The following MRI1 variants were observed in gnomAD, a reference collection of about 807,000 sequenced individuals.
MRI1 encodes methylthioribose-1-phosphate isomerase 1, also known as methylthioribose-1-phosphate isomerase.
In MRI1, 32 loss-of-function variants were observed where a neutral mutation model predicts 27.3. The observed-to-expected ratio is 1.17, with a 90% CI of 0.88 to 1.57. MRI1 has a LOEUF of 1.57. Among genes scored for constraint, MRI1 ranks in the 40% most tolerant of loss-of-function variants. The probability of loss-of-function intolerance (pLI) is 0.00; values close to 1 mark genes in which losing one functional copy is unlikely to be tolerated. For missense variants in MRI1, 508 were observed against 516.1 expected (o/e 0.98, Z 0.15); for synonymous variants, 216 against 227.4 (o/e 0.95, Z 0.45).
chr19:13,771,695 C>A (rs953929938), intron 5 of MRI1, among the ~76,000 whole-genome samples: 1 of 151,806 alleles, frequency 6.6e-6, no homozygotes, highest in South Asian at 2.1e-4. Context: ...AACCTCGTCT[C>A]TACTAAAAAT....
intron 3 of MRI1, among the ~76,000 whole-genome samples, chr19:13,767,517 C>T (rs962936398): frequency 6.6e-6 from 1 of 151,992 alleles, no homozygotes; most frequent in African/African-American, 2.4e-5. Context: ...CTTTGCAACA[C>T]AGCAAGACCC....
intron 3 of MRI1, chr19:13,768,226 G>A (rs976279917): frequency 7.3e-6 from 5 of 682,488 alleles, no homozygotes; most frequent in South Asian, 1.5e-5. Context: ...GAAAAGGGGG[G>A]CTGCCTGTAC....
intron 2 of MRI1, among the ~76,000 whole-genome samples, chr19:13,765,530 A>G (rs1974103179): frequency 6.6e-6 from 1 of 151,942 alleles, no homozygotes; most frequent in Non-Finnish European, 1.5e-5. Context: ...TTACCCCACC[A>G]AGCTCGAGCC....
intron 3 of MRI1, among the ~76,000 whole-genome samples, chr19:13,767,033 ATATATTTTTTTTTTTTTTT>A (rs1362073431): frequency 5.8e-3 from 99 of 17,204 alleles, no homozygotes; most frequent in South Asian, 0.039. Flanking sequence ...ATATATATAT[ATATATTTTTTTTTTTTTTT>A]TTTTTTTTTT....
chr19:13,764,563 G>C lies in MRI1; in HGVS notation c.-26G>C, dbSNP rs777074396. On this transcript the variant is annotated 5_prime_UTR_variant, in exon 1 of 6. Coordinates refer to ENST00000040663, the MANE Select transcript of MRI1 (RefSeq NM_001031727.4). ...CGCGCGGACCCCTAGCTCCCTCTGA[G>C]TTGCGCTGGGCTTGGCTGCTGCACC... 6.2e-7 allele frequency: 1 copy of C among 1,602,514 alleles called. No homozygotes were observed. The highest frequency in any genetic ancestry group is 8.5e-7 in the Non-Finnish European group (1 of 1,175,772).
intron 5 of MRI1, among the ~76,000 whole-genome samples, chr19:13,770,193 T>C (rs1274946961): frequency 6.6e-6 from 1 of 152,184 alleles, no homozygotes; most frequent in Non-Finnish European, 1.5e-5. Flanking sequence ...TCACTGGTCC[T>C]ATCTGTAAAA....
At chr19:13,768,399 A>C (rs1974188157) in intron 3 of MRI1, 162 bp from the exon 4 acceptor site, 11 of 1,527,348 alleles carry the variant, frequency 7.2e-6, no homozygotes, top group Non-Finnish European at 8.9e-6. Context: ...AGAGCATACC[A>C]GGCAGAGGGA....
Position 13,768,891 on chromosome 19 carries a change from G to A in MRI1, c.792G>A (p.Gln264=). 1 of 1,614,014 alleles carries A rather than the reference G, an allele frequency of 6.2e-7. No individual in the cohort carries two copies. The highest frequency in any genetic ancestry group is 8.5e-7 in the Non-Finnish European group (1 of 1,179,932). Residue 264 remains glutamine (Q), a synonymous_variant, in exon 5 of 6, where the codon CAG becomes CAA. Transcript: ENST00000040663. The stretch of plus-strand genomic sequence containing the variant: ...CAGCCAACAAGGTGGGCACCTACCA[G>A]CTGGCCATTGTCGCCAAGCACCATG... The part of the protein sequence containing the change: ...GDTANKVGTY[Q]LAIVAKHHGI...
chr19:13,766,445 C>T (rs1204104265), intron 3 of MRI1, among the ~76,000 whole-genome samples: 2 of 152,116 alleles, frequency 1.3e-5, no homozygotes, highest in African/African-American at 4.8e-5. Context: ...CCTTGTATCT[C>T]AGGGGGTCCA....
Position 13,772,867 on chromosome 19 carries a change from TAAAAA to T in MRI1, c.*588_*592del, listed in dbSNP as rs140711395. On this transcript the variant is annotated 3_prime_UTR_variant, in exon 6 of 6. Coordinates refer to ENST00000040663, the MANE Select transcript of MRI1 (RefSeq NM_001031727.4). ...TTAATTAATTATTTAATTAAAAAAA[TAAAAA>T]ATAAATGTGGATAATACTAGTACCT... 6.6e-6 allele frequency: 1 copy of T among 151,152 alleles called. No homozygotes were observed. The highest frequency in any genetic ancestry group is 1.5e-5 in the Non-Finnish European group (1 of 67,916). The allele number at this position is 151,152 out of a possible 1,614,324, so 9.4% of individuals were successfully genotyped here.
At chr19:13,770,387 C>G (rs1974244760) in intron 5 of MRI1, among the ~76,000 whole-genome samples, 1 of 152,024 alleles carries the variant, frequency 6.6e-6, no homozygotes, top group Admixed American at 6.6e-5. Context: ...GCGTTCCAGA[C>G]CAGCCTAGCC....
intron 3 of MRI1, among the ~76,000 whole-genome samples, chr19:13,767,580 G>A (rs1005360111): frequency 3.9e-5 from 6 of 151,914 alleles, no homozygotes; most frequent in South Asian, 4.1e-4. Flanking sequence ...CAAGGTGGGC[G>A]GATCGCTTGA....
In MRI1 at chr19:13,773,333, AAATT is replaced by A; in HGVS notation, c.*1056_*1059del. On this transcript the variant is annotated 3_prime_UTR_variant, in exon 6 of 6. Transcript: ENST00000040663. ...TTACAGCAGTATTTTTTAAAAATCA[AAATT>A]AATGCAAAAATCCATGATGAGGCCA... The A allele has an allele frequency of 6.6e-6, 1 of 152,112 alleles. No homozygotes were observed. The highest frequency in any genetic ancestry group is 1.5e-5 in the Non-Finnish European group (1 of 67,992). The allele number at this position is 152,112 out of a possible 1,614,324, so 9.4% of individuals were successfully genotyped here. A position where few individuals can be genotyped will look rare whatever the true frequency, so the allele number is the denominator to read the frequency against.
At chr19:13,767,032 T>TG (rs1974146371) in intron 3 of MRI1, among the ~76,000 whole-genome samples, 1 of 18,364 alleles carries the variant, frequency 5.4e-5, no homozygotes, top group Non-Finnish European at 8.5e-5. Flanking sequence ...TATATATATA[T>TG]ATATATTTTT....
intron 2 of MRI1, 53 bp downstream of exon 2, chr19:13,765,162 T>C: frequency 2.9e-6 from 4 of 1,383,662 alleles, no homozygotes; most frequent in Admixed American, 2.4e-5. Context: ...TATTGACTCT[T>C]TTTAAGTACA....
At chr19:13,765,518 C>T (rs1269549508) in intron 2 of MRI1, among the ~76,000 whole-genome samples, 2 of 152,166 alleles carry the variant, frequency 1.3e-5, no homozygotes, top group Admixed American at 1.3e-4. Flanking sequence ...TGCAATGTCA[C>T]TTTACCCCAC....
At chr19:13,772,030 A>G (rs1275821955) in intron 5 of MRI1, 91 bp from the exon 6 acceptor site, 1 of 1,317,018 alleles carries the variant, frequency 7.6e-7, no homozygotes, top group Non-Finnish European at 1.0e-6. Context: ...CCCAACTCCA[A>G]GAACCACTGT....
At position 13,767,970 on chromosome 19, in the gene MRI1, G is replaced by A. The variant is rs1459155986; in HGVS notation, c.548-591G>A. Among the ~76,000 whole-genome samples, 5 of 142,848 alleles carry A rather than the reference G, an allele frequency of 3.5e-5. 1 individual carries two copies. Among genetic ancestry groups the A allele is most frequent in the South Asian group, 4.6e-4 (2 of 4,340 alleles). 93.7% of individuals were successfully genotyped at this position (142,848 alleles called of 152,430 possible). A position where few individuals can be genotyped will look rare whatever the true frequency, so the allele number is the denominator to read the frequency against. The stretch of plus-strand genomic sequence containing the variant: ...TGCAAGCTCCGCCTCCCAGGTTCAC[G>A]CCATTCTCCTGCCTCCGCCTCTCGA... On this transcript the variant is annotated intron_variant, in intron 3 of 5. Coordinates refer to ENST00000040663, the MANE Select transcript of MRI1 (RefSeq NM_001031727.4).
At chr19:13,771,437 A>C (rs1417387198) in intron 5 of MRI1, among the ~76,000 whole-genome samples, 1 of 152,172 alleles carries the variant, frequency 6.6e-6, no homozygotes, top group Non-Finnish European at 1.5e-5. Context: ...AGGCTGCAGC[A>C]GGAGAATCGT....
Sources: gnomAD v4.1 joint callset for allele counts (sites outside exome capture counted in the v4.1 genomes callset) on GRCh38, gnomAD v4.1.1 for gene constraint, MANE v1.5 for transcripts, NCBI Gene and HGNC (gene_info 2026-07-23, HGNC 2026-07-21) for gene names.